Variants in KDM3B observed in about 807,000 individuals in gnomAD.
The protein encoded by KDM3B is lysine-specific demethylase 3B.
A neutral mutation model predicts 170.0 loss-of-function variants in KDM3B; 10 were observed. That is an observed-to-expected ratio of 0.06 (90% confidence interval 0.04 to 0.10). The LOEUF (loss-of-function observed/expected upper bound fraction) is 0.10. Among genes scored for constraint, KDM3B ranks in the 10% least tolerant of loss-of-function variants. The pLI, the probability that KDM3B is intolerant of heterozygous loss-of-function variation, is 1.00. For missense variants in KDM3B, 1,394 were observed against 2,195.2 expected (o/e 0.64, Z 7.29); for synonymous variants, 831 against 834.8 (o/e 1.00, Z 0.08).
intron 20 of KDM3B, among the ~76,000 whole-genome samples, chr5:138,429,321 G>A (rs1000840543): frequency 2.6e-5 from 4 of 151,986 alleles, no homozygotes; most frequent in African/African-American, 9.7e-5. Flanking sequence ...CAAAGTGCTG[G>A]GATTATAGAC....
rs952226099 is a variant in KDM3B at position 138,431,298 on chromosome 5, G to A, written c.5071-127G>A. 43 of 775,234 alleles carry A rather than the reference G, an allele frequency of 5.5e-5. No homozygotes were observed. The African/African-American group carries it at 7.2e-4, about 13-fold the overall frequency. 48.0% of individuals were successfully genotyped at this position (775,234 alleles called of 1,614,324 possible). ...ACATTTGCACTTACAGCTTTTCTGTGTTGTTATAAAAATGGAAATATTATA... is the reference window on the plus strand; with the variant it reads ...ACATTTGCACTTACAGCTTTTCTGTATTGTTATAAAAATGGAAATATTATA... On this transcript the variant is annotated intron_variant, in intron 22 of 23. Transcript: ENST00000314358.
At chr5:138,405,241 A>G (rs1437420247) in intron 11 of KDM3B, among the ~76,000 whole-genome samples, 1 of 146,264 alleles carries the variant, frequency 6.8e-6, no homozygotes, top group Non-Finnish European at 1.5e-5. Flanking sequence ...ATGGGGTTTC[A>G]CTGTGTTGGC....
chr5:138,411,775 C>T (rs933015235), intron 11 of KDM3B, among the ~76,000 whole-genome samples: 1 of 150,936 alleles, frequency 6.6e-6, no homozygotes, highest in Non-Finnish European at 1.5e-5. Flanking sequence ...TCTTAGCTCA[C>T]TGCAGCTTCC....
At position 138,420,767 on chromosome 5, in the gene KDM3B, G is replaced by C; in HGVS notation, c.3777G>C (p.Ser1259=). Residue 1259 remains serine (S), a synonymous_variant, in exon 15 of 24, where the codon TCG becomes TCC. Coordinates refer to ENST00000314358, the MANE Select transcript of KDM3B (RefSeq NM_016604.4). ...KESHSPFGLD[S]FNSTAKVSPL... is the part of the protein sequence containing the mutation. ...CTCATTCACCCTTTGGGCTGGACTC[G>C]TTCAACTCCACTGCAAAGGTCTCTC... is the stretch of plus-strand genomic sequence containing the variant. 1 of 1,614,096 alleles carries C rather than the reference G, an allele frequency of 6.2e-7. No individual in the cohort carries two copies. The highest frequency in any genetic ancestry group is 1.1e-5 in the South Asian group (1 of 91,074).
chr5:138,416,612 A>G (rs1330594302), intron 12 of KDM3B, among the ~76,000 whole-genome samples: 13 of 134,772 alleles, frequency 9.6e-5, no homozygotes, highest in Admixed American at 3.0e-4. Context: ...AAAAAAAAAC[A>G]TAACAAAAAA....
At chr5:138,426,705 A>G in intron 17 of KDM3B, 4 of 344,284 alleles carry the variant, frequency 1.2e-5, no homozygotes, top group Non-Finnish European at 2.2e-5. Context: ...AGCCTGGCCA[A>G]CATGGCAAAA....
chr5:138,431,610 A>G lies in KDM3B; in HGVS notation c.5205+51A>G, dbSNP rs770548588. ...CTCTGTCTTCTCATTGCATACTCACATACATTACGCAGAAAGCACATTCTC... is the reference window on the plus strand; with the variant it reads ...CTCTGTCTTCTCATTGCATACTCACGTACATTACGCAGAAAGCACATTCTC... On this transcript the variant is annotated intron_variant, in intron 23 of 23. Transcript: ENST00000314358. The G allele has an allele frequency of 1.7e-4, 255 of 1,470,104 alleles. 3 individuals carry two copies. In the Admixed American group the frequency reaches 5.0e-3, roughly 29 times the overall value. 91.1% of individuals were successfully genotyped at this position (1,470,104 alleles called of 1,614,324 possible). A position where few individuals can be genotyped will look rare whatever the true frequency, so the allele number is the denominator to read the frequency against.
intron 11 of KDM3B, among the ~76,000 whole-genome samples, chr5:138,414,386 C>T (rs1242042450): frequency 1.3e-5 from 2 of 151,974 alleles, no homozygotes; most frequent in Non-Finnish European, 2.9e-5. Context: ...AGGATGGTCT[C>T]GATCTCCTGA....
intron 5 of KDM3B, among the ~76,000 whole-genome samples, chr5:138,380,855 G>C (rs1442118708): frequency 6.6e-6 from 1 of 151,054 alleles, no homozygotes; most frequent in Admixed American, 6.6e-5. Flanking sequence ...GATCCACCAT[G>C]CCCAGCCTGG....
At chr5:138,371,243 T>C (rs919430005) in intron 1 of KDM3B, among the ~76,000 whole-genome samples, 1 of 152,088 alleles carries the variant, frequency 6.6e-6, no homozygotes, top group African/African-American at 2.4e-5. Context: ...GAAGATTGCT[T>C]GGCTCCAGGA....
chr5:138,376,951 C>T (rs1762015465), intron 3 of KDM3B, among the ~76,000 whole-genome samples: 1 of 152,152 alleles, frequency 6.6e-6, no homozygotes, highest in Admixed American at 6.5e-5. Context: ...TTGCTGTCTG[C>T]AGGAAGAAAA....
At position 138,398,268 on chromosome 5, in the gene KDM3B, C is replaced by G. The variant is rs780592337; in HGVS notation, c.2922C>G (p.Pro974=). ...CTGATGCCATGAACCTGTGGATTCC[C>G]TCTTCCTCCCTAGCAGAAGGGATAG... The part of the protein sequence containing the change: ...SDPDAMNLWI[P]SSSLAEGIDL... Residue 974 remains proline, a synonymous_variant, in exon 10 of 24, where the codon CCC becomes CCG. Coordinates refer to ENST00000314358, the MANE Select transcript of KDM3B (RefSeq NM_016604.4). 3.1e-6 allele frequency: 5 copies of G among 1,614,122 alleles called. No individual in the cohort carries two copies. Among genetic ancestry groups the G allele is most frequent in the Non-Finnish European group, 4.2e-6 (5 of 1,180,010 alleles).
chr5:138,353,102 C>T (rs1761368851), intron 1 of KDM3B, 115 bp downstream of exon 1: 2 of 896,182 alleles, frequency 2.2e-6, no homozygotes, highest in Admixed American at 4.5e-5. Flanking sequence ...TCCGTGCCCC[C>T]GGGTCTCCTT....
At chr5:138,401,490 TG>T (rs1762693547) in intron 11 of KDM3B, among the ~76,000 whole-genome samples, 1 of 152,238 alleles carries the variant, frequency 6.6e-6, no homozygotes, top group South Asian at 2.1e-4. Context: ...ACTCCTTTTT[TG>T]GATATACTTC....
chr5:138,434,093 A>G (rs1259865211), intron 23 of KDM3B, among the ~76,000 whole-genome samples: 2 of 152,202 alleles, frequency 1.3e-5, no homozygotes, highest in African/African-American at 4.8e-5. Flanking sequence ...CACCTTATCC[A>G]TAACACCTTT....
chr5:138,416,172 C>T (rs1213369658), intron 12 of KDM3B, among the ~76,000 whole-genome samples: 2 of 152,108 alleles, frequency 1.3e-5, no homozygotes, highest in African/African-American at 4.8e-5. Context: ...TGTCACAATC[C>T]CAGTTTACTT....
intron 1 of KDM3B, among the ~76,000 whole-genome samples, chr5:138,371,220 G>A (rs1301789932): frequency 6.6e-6 from 1 of 152,124 alleles, no homozygotes; most frequent in Non-Finnish European, 1.5e-5. Flanking sequence ...AGCACTTTGT[G>A]AGGCTGAGGC....
intron 1 of KDM3B, among the ~76,000 whole-genome samples, chr5:138,356,793 C>T (rs1472844977): frequency 6.6e-6 from 1 of 151,838 alleles, no homozygotes; most frequent in Non-Finnish European, 1.5e-5. Flanking sequence ...CAGGCGTGTG[C>T]CACCACGCCC....
At chr5:138,403,538 A>G (rs1246661846) in intron 11 of KDM3B, among the ~76,000 whole-genome samples, 1 of 152,020 alleles carries the variant, frequency 6.6e-6, no homozygotes, top group African/African-American at 2.4e-5. Flanking sequence ...TTAGCCAGGC[A>G]TGGTGGCGGG....
Sources: allele counts gnomAD v4.1 joint callset (sites outside exome capture counted in the v4.1 genomes callset), GRCh38; gene constraint gnomAD v4.1.1; transcripts MANE v1.5; gene names NCBI Gene and HGNC (gene_info 2026-07-23, HGNC 2026-07-21).